Variants in ARHGAP39 observed in about 807,000 individuals in gnomAD.
ARHGAP39 encodes rho GTPase-activating protein 39.
A neutral mutation model predicts 106.9 loss-of-function variants in ARHGAP39; 44 were observed. That is an observed-to-expected ratio of 0.41 (90% confidence interval 0.32 to 0.53). The LOEUF (loss-of-function observed/expected upper bound fraction) is 0.53, where lower values mean the gene tolerates loss of function less well. Among genes scored for constraint, ARHGAP39 ranks in the 20% least tolerant of loss-of-function variants. ARHGAP39 has a pLI of 0.21. For missense variants in ARHGAP39, 1,496 were observed against 1,577.3 expected, an observed-to-expected ratio of 0.95 and a Z score of 0.87; for synonymous variants, 768 against 693.2, an observed-to-expected ratio of 1.11 and a Z score of -1.69.
intron 6 of ARHGAP39, among the ~76,000 whole-genome samples, chr8:144,540,142 T>A (rs1817130217): frequency 6.6e-6 from 1 of 152,234 alleles, no homozygotes; most frequent in African/African-American, 2.4e-5. Flanking sequence ...AAAATGCTAC[T>A]GCAGGCAGGC....
chr8:144,598,221 G>A (rs1482815698), intron 2 of ARHGAP39, among the ~76,000 whole-genome samples: 1 of 152,202 alleles, frequency 6.6e-6, no homozygotes, highest in Non-Finnish European at 1.5e-5. Flanking sequence ...TTTCCGCGTT[G>A]AGTGTAAAGG....
intron 3 of ARHGAP39, among the ~76,000 whole-genome samples, chr8:144,567,331 C>T (rs184618378): frequency 6.8e-4 from 104 of 152,302 alleles, no homozygotes; most frequent in African/African-American, 2.4e-3. Flanking sequence ...GACAAGAGTG[C>T]GAGCCTTCTG....
rs530595502 is a variant in ARHGAP39, at chr8:144,537,974, G to A, written c.2522-161C>T. On this transcript the variant is annotated intron_variant, in intron 6 of 11. Coordinates refer to ENST00000377307, the MANE Select transcript of ARHGAP39 (RefSeq NM_025251.3). ...TTTCTGGGGGGACGTGGCTGTGTGA[G>A]TGGCAGAGAGGTGCCGGGGGCCCTT... is the stretch of plus-strand genomic sequence containing the variant. Among the ~76,000 whole-genome samples the A allele has an allele frequency of 3.3e-5, 5 of 152,376 alleles. No individual in the cohort carries two copies. In the East Asian group the frequency reaches 9.6e-4, roughly 29 times the overall value.
At chr8:144,660,877 GGGACGCTGAGGCA>G (rs1821804438) in intron 1 of ARHGAP39, among the ~76,000 whole-genome samples, 1 of 152,056 alleles carries the variant, frequency 6.6e-6, no homozygotes, top group Non-Finnish European at 1.5e-5. Flanking sequence ...CCAGCTACTC[GGGACGCTGAGGCA>G]GGAGAATTGC....
intron 3 of ARHGAP39, 63 bp downstream of exon 3, chr8:144,580,783 C>CTCACCTGGCCCCGCCCACTCCAT: frequency 2.3e-6 from 3 of 1,281,864 alleles, no homozygotes; most frequent in Non-Finnish European, 1.0e-6. Flanking sequence ...CCCTACCTGC[C>CTCACCTGGCCCCGCCCACTCCAT]TCACCTGGCC....
intron 1 of ARHGAP39, among the ~76,000 whole-genome samples, chr8:144,648,112 C>A (rs1415511865): frequency 6.6e-6 from 1 of 152,174 alleles, no homozygotes; most frequent in Non-Finnish European, 1.5e-5. Context: ...AGCTGCCCTA[C>A]CCTGAGGACA....
intron 1 of ARHGAP39, among the ~76,000 whole-genome samples, chr8:144,664,868 A>T (rs546730569): frequency 7.2e-5 from 11 of 152,364 alleles, no homozygotes. Context: ...CTAATACAGT[A>T]AATTGGTACT....
chr8:144,658,851 A>T (rs1255129277), intron 1 of ARHGAP39, among the ~76,000 whole-genome samples: 7 of 152,206 alleles, frequency 4.6e-5, no homozygotes, highest in African/African-American at 1.7e-4. Flanking sequence ...AAATTAAAAC[A>T]TTAAATATTA....
intron 1 of ARHGAP39, among the ~76,000 whole-genome samples, chr8:144,669,096 C>T (rs1242066806): frequency 1.3e-5 from 2 of 150,998 alleles, no homozygotes; most frequent in Admixed American, 6.6e-5. Flanking sequence ...ACACATGGTG[C>T]CAAGCAACTG....
intron 1 of ARHGAP39, among the ~76,000 whole-genome samples, chr8:144,659,799 C>A (rs1355981181): frequency 6.6e-6 from 1 of 152,112 alleles, no homozygotes; most frequent in Non-Finnish European, 1.5e-5. Context: ...CTTGAGGGGT[C>A]CACTTATTCA....
At position 144,679,276 on chromosome 8, in the gene ARHGAP39, T is replaced by G. The variant is rs576473417; in HGVS notation, c.-82+6410A>C. ...CTCAGCACAGCGTCCGAGCAGGGGC[T>G]CACCTTCCCCATAGGAGGCTGTACG... On this transcript the variant is annotated intron_variant, in intron 1 of 11. Transcript: ENST00000377307. This position sits in a 1 kb window ranked among gnomAD's most constrained non-coding sequence, Gnocchi z 4.7. Among the ~76,000 whole-genome samples the G allele has an allele frequency of 5.9e-5, 9 of 152,286 alleles. No homozygotes were observed. In the East Asian group the frequency reaches 1.7e-3, roughly 29 times the overall value.
intron 8 of ARHGAP39, among the ~76,000 whole-genome samples, chr8:144,533,922 G>A (rs949104276): frequency 1.2e-4 from 19 of 152,206 alleles, no homozygotes; most frequent in African/African-American, 3.6e-4. Context: ...CTGGGGGTCC[G>A]GGCCCAGGAA....
rs144988605 is a variant in ARHGAP39, at chr8:144,533,208, C to G, written c.2806G>C (p.Glu936Gln). The change falls in exon 9 of 12, where the codon GAG (glutamate) becomes CAG (glutamine). Residue 936 changes from glutamate (E) to glutamine (Q), a missense_variant. This residue lies in a region of ARHGAP39 where 470 missense variants were observed against 605.1 expected (regional missense o/e 0.78). Transcript: ENST00000377307. ...VMGMQRERYPERQLPWVQTRL... is the reference protein window; with the variant it reads ...VMGMQRERYPQRQLPWVQTRL... ...GTCTGCACCCAGGGCAGCTGGCGCT[C>G]GGGGTAGCGCTCTCTCTGCATGCCC... 9 of 1,612,718 alleles carry G rather than the reference C, an allele frequency of 5.6e-6. No individual in the cohort carries two copies. Among genetic ancestry groups the G allele is most frequent in the Non-Finnish European group, 7.6e-6 (9 of 1,179,928 alleles).
At chr8:144,662,903 T>C in intron 1 of ARHGAP39, among the ~76,000 whole-genome samples, 1 of 124,560 alleles carries the variant, frequency 8.0e-6, no homozygotes, top group Non-Finnish European at 1.7e-5. Context: ...ACCTCGGGCC[T>C]ATCCCCCACC....
chr8:144,610,829 A>C (rs1820466550), intron 1 of ARHGAP39, among the ~76,000 whole-genome samples: 1 of 151,908 alleles, frequency 6.6e-6, no homozygotes, highest in Non-Finnish European at 1.5e-5. Flanking sequence ...CCGTTCAAAG[A>C]GTTTTGAGAT....
rs1008916554 is a variant in ARHGAP39 at position 144,644,813 on chromosome 8, C to G, written c.-81-39118G>C. Among the ~76,000 whole-genome samples the G allele has an allele frequency of 2.0e-5, 3 of 152,222 alleles. No individual in the cohort carries two copies. Among genetic ancestry groups the G allele is most frequent in the African/African-American group, 7.2e-5 (3 of 41,452 alleles). ...CTGCACTCTGAGTCATTGCAGGCACCAAACCCAAGCCCTGTACCTTCACCC... is the reference window on the plus strand; with the variant it reads ...CTGCACTCTGAGTCATTGCAGGCACGAAACCCAAGCCCTGTACCTTCACCC... On this transcript the variant is annotated intron_variant, in intron 1 of 11. Transcript: ENST00000377307. The surrounding 1 kb of genome is among the most constrained non-coding windows in gnomAD (Gnocchi z 4.8).
intron 3 of ARHGAP39, among the ~76,000 whole-genome samples, chr8:144,576,127 C>T (rs1563682031): frequency 4.0e-5 from 6 of 151,852 alleles, no homozygotes; most frequent in Admixed American, 3.3e-4. Context: ...GTTAAGAGAT[C>T]GAGACCAGCC....
At chr8:144,607,935 T>A (rs1820354067) in intron 1 of ARHGAP39, among the ~76,000 whole-genome samples, 1 of 151,824 alleles carries the variant, frequency 6.6e-6, no homozygotes, top group Non-Finnish European at 1.5e-5. Flanking sequence ...GGCGGGTGGA[T>A]CATTTGAGGT....
chr8:144,567,853 T>A (rs1291577127), intron 3 of ARHGAP39, among the ~76,000 whole-genome samples: 2 of 152,232 alleles, frequency 1.3e-5, no homozygotes, highest in South Asian at 2.1e-4. Flanking sequence ...GATGGCTCAC[T>A]CTCCTTATCC....
Sources: gnomAD v4.1 joint callset for allele counts (sites outside exome capture counted in the v4.1 genomes callset) on GRCh38, gnomAD v4.1.1 for gene constraint, gnomAD v4.1.1 regional missense constraint, Gnocchi (gnomAD v3.1) non-coding constraint, MANE v1.5 for transcripts, NCBI Gene and HGNC (gene_info 2026-07-23, HGNC 2026-07-21) for gene names.